Variants in KRT77 observed in about 807,000 individuals in gnomAD.
The protein encoded by KRT77 is keratin 77.
KRT77 carries 44 observed loss-of-function variants against 51.5 expected under a neutral mutation model. The observed-to-expected ratio is 0.85, with a 90% confidence interval of 0.67 to 1.10. The LOEUF (loss-of-function observed/expected upper bound fraction) is 1.10. KRT77 is among the 50% of genes least tolerant of loss of function. The pLI is 0.00. For missense variants in KRT77, 763 were observed against 743.9 expected, an observed-to-expected ratio of 1.03 and a Z score of -0.30; for synonymous variants, 293 against 302.0, an observed-to-expected ratio of 0.97 and a Z score of 0.31.
At position 52,689,997 on chromosome 12, in the gene KRT77, T is replaced by C. The variant is rs995985897; in HGVS notation, c.*1168A>G. 1 of 152,186 alleles carries C rather than the reference T, an allele frequency of 6.6e-6. No homozygotes were observed. The highest frequency in any genetic ancestry group is 1.5e-5 in the Non-Finnish European group (1 of 68,054). 9.4% of individuals were successfully genotyped at this position (152,186 alleles called of 1,614,324 possible). ...GACTAGAGAGGTCTGGGAAAGGGCA[T>C]TAAAATGCCTTGCAAAAAAATGGGC... On this transcript the variant is annotated 3_prime_UTR_variant, in exon 9 of 9. Transcript: ENST00000341809.
chr12:52,694,868 G>A, intron 4 of KRT77, 78 bp from the exon 5 acceptor site: 7 of 1,324,522 alleles, frequency 5.3e-6, no homozygotes, highest in Non-Finnish European at 4.0e-6. Flanking sequence ...CTCCCTCAAG[G>A]CTCTCGGGGG....
At chr12:52,692,024 AG>A in intron 7 of KRT77, 52 bp from the exon 8 acceptor site, 3 of 1,590,434 alleles carry the variant, frequency 1.9e-6, no homozygotes, top group Non-Finnish European at 2.6e-6. Flanking sequence ...TGAGGAGAGA[AG>A]GCTGTGGCCC....
Position 52,690,989 on chromosome 12 carries a change from G to T in KRT77, c.*176C>A. ...TGCAAGCCAGTGCCCTCCAAAGAGA[G>T]ATCTGCTGTTTGGACTTATCCACCC... On this transcript the variant is annotated 3_prime_UTR_variant, in exon 9 of 9. Coordinates refer to ENST00000341809, the MANE Select transcript of KRT77 (RefSeq NM_175078.3). 1 of 814,738 alleles carries T rather than the reference G, an allele frequency of 1.2e-6. No homozygotes were observed. Among genetic ancestry groups the T allele is most frequent in the Non-Finnish European group, 1.9e-6 (1 of 517,586 alleles). 50.5% of individuals were successfully genotyped at this position (814,738 alleles called of 1,614,324 possible). A position where few individuals can be genotyped will look rare whatever the true frequency, so the allele number is the denominator to read the frequency against.
intron 8 of KRT77, 97 bp downstream of exon 8, chr12:52,691,841 T>C (rs1941714086): frequency 6.9e-7 from 1 of 1,455,054 alleles, no homozygotes; most frequent in African/African-American, 1.4e-5. Context: ...GACTGGAAGC[T>C]AAAATGCCAG....
chr12:52,700,365 C>T (rs982023982), intron 1 of KRT77, among the ~76,000 whole-genome samples: 9 of 152,096 alleles, frequency 5.9e-5, no homozygotes, highest in African/African-American at 2.2e-4. Context: ...TGGAGTCACA[C>T]AGGGCCGGGG....
chr12:52,694,307 G>A (rs759831047), intron 5 of KRT77, among the ~76,000 whole-genome samples: 11 of 152,214 alleles, frequency 7.2e-5, no homozygotes, highest in Non-Finnish European at 1.6e-4. Context: ...AAAGCACTTT[G>A]TGCAGTGCCT....
Position 52,692,857 on chromosome 12 carries a change from T to G in KRT77, c.1104A>C (p.Ala368=). Residue 368 remains alanine, a synonymous_variant, in exon 6 of 9, where the codon GCA becomes GCC. Coordinates refer to ENST00000341809, the MANE Select transcript of KRT77 (RefSeq NM_175078.3). ...QTKYQELQIT[A]GRHGDDLKNS... Reference sequence around the variant, plus strand: ...TCTTCAGGTCGTCTCCATGTCTCCCTGCCGTGATCTGGAGCTCCTGGTACT... The same window carrying G: ...TCTTCAGGTCGTCTCCATGTCTCCCGGCCGTGATCTGGAGCTCCTGGTACT... 1 of 1,604,122 alleles carries G rather than the reference T, an allele frequency of 6.2e-7. No homozygotes were observed. Among genetic ancestry groups the G allele is most frequent in the Non-Finnish European group, 8.5e-7 (1 of 1,171,582 alleles).
rs752363574 is a variant in KRT77 at position 52,692,517 on chromosome 12, C to T, written c.1331G>A (p.Arg444Gln). The T allele has an allele frequency of 4.1e-5, 66 of 1,613,942 alleles. No individual in the cohort carries two copies. Among genetic ancestry groups the T allele is most frequent in the South Asian group, 5.5e-5 (5 of 91,078 alleles). ...ALQQSKEELA[R>Q]LLRDYQAMLG... is the part of the protein sequence containing the mutation. ...CATGGCCTGGTAGTCACGCAGCAGC[C>T]GGGCCAGCTCCTCCTTGGACTGCTG... is the stretch of plus-strand genomic sequence containing the variant. Residue 444 changes from arginine to glutamine, a missense_variant, in exon 7 of 9, where the codon CGG becomes CAG. Coordinates refer to ENST00000341809, the MANE Select transcript of KRT77 (RefSeq NM_175078.3).
intron 3 of KRT77, 126 bp from the exon 4 acceptor site, chr12:52,695,993 C>T (rs142068835): frequency 1.7e-4 from 114 of 674,902 alleles, no homozygotes; most frequent in African/African-American, 1.6e-3. Context: ...AATTCATCAC[C>T]GCACTCGAAT....
In KRT77 at chr12:52,697,707, C is replaced by T; in HGVS notation, c.733G>A (p.Asp245Asn). 6.2e-7 allele frequency: 1 copy of T among 1,613,844 alleles called. No homozygotes were observed. Among genetic ancestry groups the T allele is most frequent in the Non-Finnish European group, 8.5e-7 (1 of 1,179,856 alleles). The change falls in exon 2 of 9, where the codon GAT becomes AAT. Residue 245 changes from aspartate to asparagine, a missense_variant. Coordinates refer to ENST00000341809, the MANE Select transcript of KRT77 (RefSeq NM_175078.3). ...RQNAEVRSMQDVVEDYKSKYE... is the reference protein window; with the variant it reads ...RQNAEVRSMQNVVEDYKSKYE... ...TTGCTCTTGTAGTCCTCCACGACAT[C>T]CTGCATGCTCCTGACCTCCGCGTTC... is the stretch of plus-strand genomic sequence containing the variant.
Position 52,703,179 on chromosome 12 carries a change from C to A in KRT77, c.256G>T (p.Gly86Trp), listed in dbSNP as rs143791907. The change falls in exon 1 of 9, where the codon GGG (glycine) becomes TGG (tryptophan). Residue 86 changes from glycine to tryptophan, a missense_variant. Transcript: ENST00000341809. ...GRSTSGFCQG[G>W]GVGGFGGGRG... Reference sequence around the variant, plus strand: ...CCCCCTCCAAATCCCCCTACTCCCCCACCCTGGCAGAAACCACTGGTGCTC... The same window carrying A: ...CCCCCTCCAAATCCCCCTACTCCCCAACCCTGGCAGAAACCACTGGTGCTC... 2.0e-5 allele frequency: 33 copies of A among 1,612,470 alleles called. No individual in the cohort carries two copies. The highest frequency in any genetic ancestry group is 2.5e-5 in the Non-Finnish European group (30 of 1,179,194).
chr12:52,697,753 G>C lies in KRT77; in HGVS notation c.687C>G (p.Leu229=), dbSNP rs1422336272. 1 of 1,614,124 alleles carries C rather than the reference G, an allele frequency of 6.2e-7. No individual in the cohort carries two copies. ...CGTTCTGGCGCATCTGCTCCGCACT[G>C]AGCAAATCCACCTGCCTCCGCAGGT... is the stretch of plus-strand genomic sequence containing the variant. ...IGDLRRQVDL[L]SAEQMRQNAE... is the part of the protein sequence containing the mutation. Residue 229 remains leucine, a synonymous_variant, in exon 2 of 9, where the codon CTC becomes CTG. Transcript: ENST00000341809.
At chr12:52,696,756 T>A in intron 2 of KRT77, 1 of 251,026 alleles carries the variant, frequency 4.0e-6, no homozygotes, top group African/African-American at 2.2e-5. Context: ...TCCTTAAAAC[T>A]GAGAACATGA....
Position 52,696,440 on chromosome 12 carries a change from G to A in KRT77, c.759-10C>T, listed in dbSNP as rs779306280. On this transcript the variant is annotated splice_polypyrimidine_tract_variant and intron_variant, in intron 2 of 8. Transcript: ENST00000341809. ...GATTTCATCCTCATACCTGTCAGGCGAGGCAAAGGAGCACAGAAAGGCTGC... is the reference window on the plus strand; with the variant it reads ...GATTTCATCCTCATACCTGTCAGGCAAGGCAAAGGAGCACAGAAAGGCTGC... The A allele has an allele frequency of 2.7e-5, 44 of 1,613,412 alleles. No individual in the cohort carries two copies. Among genetic ancestry groups the A allele is most frequent in the South Asian group, 5.5e-5 (5 of 91,068 alleles).
At chr12:52,702,554 T>TGTG (rs1565655562) in intron 1 of KRT77, among the ~76,000 whole-genome samples, 2,158 of 62,192 alleles carry the variant, frequency 0.035, 60 homozygotes, top group African/African-American at 0.059. Flanking sequence ...GTGTGTGTGT[T>TGTG]TGTGTGTGTG....
rs2121046141 is a variant in KRT77, at chr12:52,692,775, T to C, written c.1186A>G (p.Ile396Val). Residue 396 changes from isoleucine to valine, a missense_variant, in exon 6 of 9, where the codon ATC (isoleucine) becomes GTC (valine). Transcript: ENST00000341809. ...NRTVQRLQAE[I>V]SNVKKQIEQM... The stretch of plus-strand genomic sequence containing the variant: ...CCCACCTGCTTCTTCACGTTGCTGA[T>C]CTCTGCCTGCAGCCTCTGGACGGTG... 6.2e-7 allele frequency: 1 copy of C among 1,604,480 alleles called. No homozygotes were observed. The highest frequency in any genetic ancestry group is 2.2e-5 in the East Asian group (1 of 44,866).
chr12:52,697,603 C>G, intron 2 of KRT77, 79 bp downstream of exon 2: 1 of 487,004 alleles, frequency 2.1e-6, no homozygotes, highest in East Asian at 6.3e-5. Context: ...TACACACAAA[C>G]ACTGAAGCCG....
chr12:52,691,999 C>CTG, intron 7 of KRT77, 27 bp from the exon 8 acceptor site: 1 of 1,613,536 alleles, frequency 6.2e-7, no homozygotes, highest in Admixed American at 1.7e-5. Context: ...CACGGTCAGC[C>CTG]AGACCCACAG....
intron 4 of KRT77, 109 bp downstream of exon 4, chr12:52,695,663 G>A (rs1941784861): frequency 8.4e-6 from 5 of 591,794 alleles, no homozygotes; most frequent in South Asian, 7.3e-5. Context: ...CTGGGGAGAT[G>A]AGTCCCTAGT....
Sources: allele counts gnomAD v4.1 joint callset (sites outside exome capture counted in the v4.1 genomes callset), GRCh38; gene constraint gnomAD v4.1.1; transcripts MANE v1.5; gene names NCBI Gene and HGNC (gene_info 2026-07-23, HGNC 2026-07-21).